The following DOCK1 variants were observed in gnomAD, a reference collection of about 807,000 sequenced individuals.
DOCK1 encodes dedicator of cytokinesis protein 1.
DOCK1 carries 138 observed loss-of-function variants against 262.7 expected under a neutral mutation model. The ratio of observed to expected loss-of-function variants is 0.53; its 90% CI spans 0.46 to 0.61. The LOEUF (loss-of-function observed/expected upper bound fraction) is 0.61, where lower values mean the gene tolerates loss of function less well. Among genes scored for constraint, DOCK1 ranks in the 20% least tolerant of loss-of-function variants. DOCK1 has a pLI of 0.00. For missense variants in DOCK1, 1,908 were observed against 2,370.7 expected, an observed-to-expected ratio of 0.80 and a Z score of 4.05; for synonymous variants, 866 against 867.4, an observed-to-expected ratio of 1.00 and a Z score of 0.03.
chr10:127,147,729 G>A (rs1181466372), intron 27 of DOCK1, among the ~76,000 whole-genome samples: 1 of 152,044 alleles, frequency 6.6e-6, no homozygotes, highest in Non-Finnish European at 1.5e-5. Flanking sequence ...CAAAGTGGTT[G>A]TTTAAAATTC....
intron 6 of DOCK1, among the ~76,000 whole-genome samples, chr10:126,992,551 A>G (rs2039864812): frequency 6.6e-6 from 1 of 152,166 alleles, no homozygotes; most frequent in South Asian, 2.1e-4. Context: ...TGGATTTAAT[A>G]AGGAAAAGAT....
chr10:126,923,116 T>A (rs1294637809), intron 1 of DOCK1, among the ~76,000 whole-genome samples: 1 of 151,832 alleles, frequency 6.6e-6, no homozygotes, highest in Non-Finnish European at 1.5e-5. Flanking sequence ...TCTAAAAAAA[T>A]AAAATAGAAT....
At chr10:127,027,703 C>T (rs927950426) in intron 16 of DOCK1, among the ~76,000 whole-genome samples, 23 of 152,192 alleles carry the variant, frequency 1.5e-4, no homozygotes, top group African/African-American at 5.5e-4. Context: ...ATAGGGGCTC[C>T]ATTGTAGTTG....
At chr10:127,421,963 C>T (rs2068537062) in intron 46 of DOCK1, among the ~76,000 whole-genome samples, 1 of 152,014 alleles carries the variant, frequency 6.6e-6, no homozygotes, top group African/African-American at 2.4e-5. Flanking sequence ...TGCTCAAGTC[C>T]CTGCTTTCAA....
chr10:126,912,739 AAAAAAG>A (rs1244896876), intron 1 of DOCK1, among the ~76,000 whole-genome samples: 21 of 152,010 alleles, frequency 1.4e-4, no homozygotes, highest in Non-Finnish European at 2.9e-4. Flanking sequence ...AAAAAAAAAA[AAAAAAG>A]AAAGAAAGGA....
intron 29 of DOCK1, among the ~76,000 whole-genome samples, chr10:127,322,013 G>C (rs1051313069): frequency 1.3e-5 from 2 of 151,844 alleles, no homozygotes; most frequent in African/African-American, 2.4e-5. Context: ...TGAGGCACGA[G>C]GATCACTTGA....
At chr10:127,121,522 G>A (rs188727771) in intron 25 of DOCK1, among the ~76,000 whole-genome samples, 47 of 147,364 alleles carry the variant, frequency 3.2e-4, no homozygotes, top group African/African-American at 1.1e-3. Flanking sequence ...TGTAGTATAC[G>A]TTCCTCAGTG....
At chr10:127,163,799 C>CTTTTT (rs531750560) in intron 27 of DOCK1, among the ~76,000 whole-genome samples, 16 of 129,222 alleles carry the variant, frequency 1.2e-4, no homozygotes, top group Non-Finnish European at 1.5e-4. Context: ...TAAAGCCTTC[C>CTTTTT]TTTTTTTTTT....
intron 22 of DOCK1, among the ~76,000 whole-genome samples, chr10:127,059,577 T>C (rs2045397838): frequency 6.6e-6 from 1 of 152,216 alleles, no homozygotes; most frequent in Admixed American, 6.5e-5. Flanking sequence ...CTCTATTTTG[T>C]TAATCCATCT....
intron 1 of DOCK1, among the ~76,000 whole-genome samples, chr10:126,935,364 C>G (rs1313251093): frequency 6.6e-6 from 1 of 152,182 alleles, no homozygotes; most frequent in Non-Finnish European, 1.5e-5. Context: ...CATAATTGCT[C>G]TATGCCAAAT....
intron 2 of DOCK1, 53 bp downstream of exon 2, chr10:126,970,838 C>A: frequency 6.3e-7 from 1 of 1,574,950 alleles, no homozygotes; most frequent in Admixed American, 1.8e-5. Context: ...GATGGCACAC[C>A]TTCTCAGTGC....
chr10:127,415,282 T>G, intron 44 of DOCK1, 44 bp downstream of exon 44: 1 of 1,578,916 alleles, frequency 6.3e-7, no homozygotes, highest in South Asian at 1.1e-5. Flanking sequence ...GTTCCCTTCC[T>G]CAATACAGTC....
chr10:127,087,430 G>C (rs920573758), intron 23 of DOCK1, among the ~76,000 whole-genome samples: 1 of 152,138 alleles, frequency 6.6e-6, no homozygotes, highest in African/African-American at 2.4e-5. Context: ...CAGGGGCAGG[G>C]GAGTGGAGTA....
At chr10:126,984,739 T>G (rs2039241906) in intron 4 of DOCK1, among the ~76,000 whole-genome samples, 1 of 152,186 alleles carries the variant, frequency 6.6e-6, no homozygotes, top group Admixed American at 6.5e-5. Context: ...TGTTTTGAAG[T>G]ATGTATACAT....
At chr10:127,250,834 G>GT (rs1032407583) in intron 28 of DOCK1, among the ~76,000 whole-genome samples, 119 of 143,798 alleles carry the variant, frequency 8.3e-4, no homozygotes, top group African/African-American at 2.9e-3. Flanking sequence ...GACGTTTGTG[G>GT]TTTTTTATAC....
chr10:127,217,032 CAGAG>C (rs1240706618), intron 27 of DOCK1, among the ~76,000 whole-genome samples: 1 of 151,606 alleles, frequency 6.6e-6, no homozygotes, highest in African/African-American at 2.4e-5. Context: ...TACATTATAA[CAGAG>C]AGGAAGAGAG....
intron 48 of DOCK1, among the ~76,000 whole-genome samples, chr10:127,434,732 A>G (rs1305543146): frequency 1.3e-5 from 2 of 149,814 alleles, no homozygotes. Flanking sequence ...GGCTCACTGC[A>G]ACCTCCGCCT....
intron 1 of DOCK1, among the ~76,000 whole-genome samples, chr10:126,951,619 G>GTAT (rs1444960961): frequency 1.2e-5 from 1 of 81,668 alleles, no homozygotes; most frequent in Non-Finnish European, 2.7e-5. Context: ...GTTGGTGGTG[G>GTAT]TATTGTTGGT....
At chr10:127,292,694 G>GGTGCAACGTGCC in intron 29 of DOCK1, among the ~76,000 whole-genome samples, 1 of 152,224 alleles carries the variant, frequency 6.6e-6, no homozygotes, top group South Asian at 2.1e-4. Context: ...ATTGATTCAA[G>GGTGCAACGTGCC]GTGCAACGTG....
Sources: allele counts gnomAD v4.1 joint callset (sites outside exome capture counted in the v4.1 genomes callset), GRCh38; gene constraint gnomAD v4.1.1; transcripts MANE v1.5; gene names NCBI Gene and HGNC (gene_info 2026-07-23, HGNC 2026-07-21).